The following PAPPA variants were observed in gnomAD, a reference collection of about 807,000 sequenced individuals.
The protein encoded by PAPPA is pappalysin 1.
In PAPPA, 60 loss-of-function variants were observed where a neutral mutation model predicts 164.0. That is an observed-to-expected ratio of 0.37 (90% CI 0.30 to 0.45). The LOEUF is 0.45. PAPPA is among the 20% of genes least tolerant of loss of function. The pLI is 1.00. For missense variants in PAPPA, 1,782 were observed against 2,087.3 expected, an observed-to-expected ratio of 0.85 and a Z score of 2.85; for synonymous variants, 875 against 814.1, an observed-to-expected ratio of 1.07 and a Z score of -1.27.
intron 17 of PAPPA, among the ~76,000 whole-genome samples, chr9:116,355,628 G>C (rs1191685778): frequency 6.6e-6 from 1 of 152,186 alleles, no homozygotes; most frequent in African/African-American, 2.4e-5. Context: ...GTTGCTAACA[G>C]TTACCCAAAC....
intron 5 of PAPPA, among the ~76,000 whole-genome samples, chr9:116,224,458 G>A (rs1281945240): frequency 6.6e-6 from 1 of 152,132 alleles, no homozygotes; most frequent in African/African-American, 2.4e-5. Flanking sequence ...CTCAACCAAG[G>A]TTCCTCTTCT....
chr9:116,261,677 G>T (rs2118803715), intron 7 of PAPPA, among the ~76,000 whole-genome samples: 1 of 152,166 alleles, frequency 6.6e-6, no homozygotes, highest in East Asian at 1.9e-4. Context: ...TTTAGATAAT[G>T]ATTTCACAAC....
At chr9:116,341,939 A>C (rs1846143522) in intron 13 of PAPPA, among the ~76,000 whole-genome samples, 1 of 152,194 alleles carries the variant, frequency 6.6e-6, no homozygotes, top group East Asian at 1.9e-4. Flanking sequence ...TGATTGGTAA[A>C]CCTTGTGCTC....
intron 1 of PAPPA, among the ~76,000 whole-genome samples, chr9:116,167,052 G>A (rs1843726633): frequency 6.6e-6 from 1 of 152,206 alleles, no homozygotes; most frequent in Non-Finnish European, 1.5e-5. Flanking sequence ...TCTCAGATAT[G>A]CAAAGTATAT....
chr9:116,363,557 T>G (rs1237422072), intron 18 of PAPPA, among the ~76,000 whole-genome samples: 1 of 152,094 alleles, frequency 6.6e-6, no homozygotes, highest in East Asian at 1.9e-4. Flanking sequence ...GTACTCAGAG[T>G]GCATGGAGTG....
rs774898376 is a variant in PAPPA, at chr9:116,187,239, C to A, written c.501C>A (p.Asp167Glu). 1.9e-6 allele frequency: 3 copies of A among 1,613,990 alleles called. No homozygotes were observed. Among genetic ancestry groups the A allele is most frequent in the Non-Finnish European group, 2.5e-6 (3 of 1,180,016 alleles). ...IHTISDQDNK[D>E]PRYFFSLKTD... ...CCATCAGTGACCAAGACAACAAAGA[C>A]CCACGCTACTTTTTCTCCTTGAAGA... Residue 167 changes from aspartate to glutamate, a missense_variant, in exon 2 of 22, where the codon GAC becomes GAA. Asp to Glu is a conservative substitution (Grantham distance 45, BLOSUM62 2). This residue lies in a region of PAPPA where 458 missense variants were observed against 430.3 expected (regional missense o/e 1.06). Transcript: ENST00000328252. This position sits in a 1 kb window ranked among gnomAD's most constrained non-coding sequence, Gnocchi z 4.2.
chr9:116,392,713 C>T (rs1425822032), intron 21 of PAPPA, among the ~76,000 whole-genome samples: 1 of 152,152 alleles, frequency 6.6e-6, no homozygotes, highest in Admixed American at 6.5e-5. Context: ...GGGAAGAAAA[C>T]ACCATGTGTC....
intron 15 of PAPPA, among the ~76,000 whole-genome samples, chr9:116,350,541 G>A (rs1170979944): frequency 2.6e-5 from 4 of 152,176 alleles, no homozygotes; most frequent in African/African-American, 9.7e-5. Flanking sequence ...GAAACTTTAT[G>A]TTCTCTTGTC....
intron 20 of PAPPA, among the ~76,000 whole-genome samples, chr9:116,380,275 A>C (rs1846710786): frequency 6.6e-6 from 1 of 150,912 alleles, no homozygotes; most frequent in African/African-American, 2.4e-5. Flanking sequence ...AATACATAGG[A>C]TGGAATAAGG....
chr9:116,199,199 G>A (rs921807951), intron 2 of PAPPA, among the ~76,000 whole-genome samples: 1 of 152,090 alleles, frequency 6.6e-6, no homozygotes, highest in South Asian at 2.1e-4. Flanking sequence ...GTCCCATCAC[G>A]ATCCAATCCA....
At position 116,400,258 on chromosome 9, in the gene PAPPA, T is replaced by C. The variant is rs1370992436; in HGVS notation, c.*3642T>C. ...TATGTTTCCTAAAGGAAATTGTTTA[T>C]TCTACAGCCTCAGTAGGTAGACACA... On this transcript the variant is annotated 3_prime_UTR_variant, in exon 22 of 22. Transcript: ENST00000328252. The C allele has an allele frequency of 6.6e-6, 1 of 152,236 alleles. No individual in the cohort carries two copies. Among genetic ancestry groups the C allele is most frequent in the African/African-American group, 2.4e-5 (1 of 41,472 alleles). 9.4% of individuals were successfully genotyped at this position (152,236 alleles called of 1,614,324 possible).
In PAPPA at chr9:116,198,679, C is replaced by G. The variant is rs567748964; in HGVS notation, c.1479-8777C>G. 2.3e-4 allele frequency among the ~76,000 whole-genome samples: 35 copies of G among 152,284 alleles called. 1 individual carries two copies. The South Asian group carries it at 7.0e-3, about 31-fold the overall frequency. On this transcript the variant is annotated intron_variant, in intron 2 of 21. Transcript: ENST00000328252. Reference sequence around the variant, plus strand: ...TGTCCTAAAGGATGATTCGTGTTAACCTAGTGAGTGTAGCTGAGCTTGCCA... The same window carrying G: ...TGTCCTAAAGGATGATTCGTGTTAAGCTAGTGAGTGTAGCTGAGCTTGCCA...
chr9:116,340,268 G>C (rs1179446322), intron 13 of PAPPA, among the ~76,000 whole-genome samples: 2 of 152,156 alleles, frequency 1.3e-5, no homozygotes, highest in African/African-American at 2.4e-5. Context: ...AGAAATGACA[G>C]GGCTGTATCA....
At chr9:116,385,603 A>C (rs947384627) in intron 21 of PAPPA, among the ~76,000 whole-genome samples, 5 of 152,222 alleles carry the variant, frequency 3.3e-5, no homozygotes, top group African/African-American at 1.2e-4. Flanking sequence ...CCCCAGAACC[A>C]GTTCTTTGCT....
intron 6 of PAPPA, among the ~76,000 whole-genome samples, chr9:116,232,844 A>G (rs1844615304): frequency 6.6e-6 from 1 of 152,138 alleles, no homozygotes; most frequent in Admixed American, 6.5e-5. Context: ...TAATGACCAG[A>G]CTCACCTTCC....
At chr9:116,226,012 A>G (rs1047428028) in intron 5 of PAPPA, among the ~76,000 whole-genome samples, 1 of 152,208 alleles carries the variant, frequency 6.6e-6, no homozygotes, top group African/African-American at 2.4e-5. Context: ...TGCATGTCAA[A>G]AAAAGTTTTC....
intron 1 of PAPPA, among the ~76,000 whole-genome samples, chr9:116,176,746 G>C (rs1020790579): frequency 2.6e-5 from 4 of 152,086 alleles, no homozygotes; most frequent in Non-Finnish European, 5.9e-5. Flanking sequence ...CATTATGCTA[G>C]GCAATATGTG....
intron 2 of PAPPA, among the ~76,000 whole-genome samples, chr9:116,193,706 T>A (rs1289173221): frequency 6.6e-6 from 1 of 152,190 alleles, no homozygotes; most frequent in Non-Finnish European, 1.5e-5. Context: ...CACCTTAGTA[T>A]CCAGAGAACT....
At chr9:116,208,664 C>G (rs1198815515) in intron 3 of PAPPA, among the ~76,000 whole-genome samples, 2 of 152,220 alleles carry the variant, frequency 1.3e-5, no homozygotes, top group Non-Finnish European at 2.9e-5. Context: ...TCAGGCCTGC[C>G]TGGTCTCCTG....
Sources: allele counts gnomAD v4.1 joint callset (sites outside exome capture counted in the v4.1 genomes callset), GRCh38; gene constraint gnomAD v4.1.1; regional missense constraint gnomAD v4.1.1; non-coding constraint Gnocchi (gnomAD v3.1); transcripts MANE v1.5; gene names NCBI Gene and HGNC (gene_info 2026-07-23, HGNC 2026-07-21).